Variants in HEG1 observed in about 807,000 individuals in gnomAD.
HEG1 encodes the protein heart development protein with EGF like domains 1, also known as protein HEG homolog 1.
A neutral mutation model predicts 125.6 loss-of-function variants in HEG1; 56 were observed. The ratio of observed to expected loss-of-function variants is 0.45; its 90% CI spans 0.36 to 0.56. HEG1 has a LOEUF of 0.56. Ranked by LOEUF, HEG1 falls within the 20% of genes least tolerant of loss-of-function variation. HEG1 has a pLI of 0.00. For missense variants in HEG1, 1,523 were observed against 1,670.0 expected, an observed-to-expected ratio of 0.91 and a Z score of 1.53; for synonymous variants, 644 against 668.5, an observed-to-expected ratio of 0.96 and a Z score of 0.57.
intron 14 of HEG1, among the ~76,000 whole-genome samples, chr3:124,978,437 G>A (rs866586683): frequency 1.9e-4 from 29 of 152,204 alleles, no homozygotes; most frequent in African/African-American, 5.1e-4. Context: ...GTGAGCCACC[G>A]CGCCCGGCCG....
chr3:125,009,901 A>G (rs1937126512), intron 7 of HEG1, 77 bp from the exon 8 acceptor site: 3 of 1,449,676 alleles, frequency 2.1e-6, no homozygotes, highest in Middle Eastern at 1.8e-4. Context: ...GTAAGTACTT[A>G]CTAAGGGCCA....
At chr3:124,993,718 A>G (rs1936869760) in intron 12 of HEG1, among the ~76,000 whole-genome samples, 3 of 152,068 alleles carry the variant, frequency 2.0e-5, no homozygotes, top group Admixed American at 1.3e-4. Context: ...TTTACATCCA[A>G]TCTCCCCACC....
intron 5 of HEG1, among the ~76,000 whole-genome samples, chr3:125,018,543 G>A (rs1215746911): frequency 6.6e-6 from 1 of 152,176 alleles, no homozygotes; most frequent in Non-Finnish European, 1.5e-5. Flanking sequence ...CCTCAATAAA[G>A]CTGGTTTTTA....
At chr3:124,990,878 ATAAG>A in intron 13 of HEG1, 54 bp from the exon 14 acceptor site, 1 of 1,554,250 alleles carries the variant, frequency 6.4e-7, no homozygotes. Flanking sequence ...CTCAAAAGAA[ATAAG>A]TGAGGCAATT....
At chr3:125,014,465 C>G (rs1183254906) in intron 5 of HEG1, among the ~76,000 whole-genome samples, 1 of 152,016 alleles carries the variant, frequency 6.6e-6, no homozygotes, top group Non-Finnish European at 1.5e-5. Flanking sequence ...AGTGGTTGGT[C>G]TCTTATTTTA....
At chr3:125,039,096 C>A (rs1253455158) in intron 1 of HEG1, among the ~76,000 whole-genome samples, 1 of 152,152 alleles carries the variant, frequency 6.6e-6, no homozygotes, top group Non-Finnish European at 1.5e-5. Flanking sequence ...TGTACTTAGC[C>A]CCCTGTGCTG....
chr3:125,019,744 C>A, intron 4 of HEG1, 147 bp from the exon 5 acceptor site: 2 of 584,780 alleles, frequency 3.4e-6, no homozygotes, highest in Non-Finnish European at 5.9e-6. Context: ...CTATCATATT[C>A]TAAATAATTA....
At chr3:125,027,593 T>C (rs1560030571) in intron 2 of HEG1, 86 bp from the exon 3 acceptor site, 1 of 1,033,424 alleles carries the variant, frequency 9.7e-7, no homozygotes, top group Non-Finnish European at 1.4e-6. Flanking sequence ...TTCTGACATC[T>C]ACAAAATATA....
intron 11 of HEG1, among the ~76,000 whole-genome samples, chr3:125,001,160 T>C (rs1458955839): frequency 6.6e-6 from 1 of 152,002 alleles, no homozygotes; most frequent in Non-Finnish European, 1.5e-5. Context: ...CTGGCCTCCA[T>C]TCTTCTGGTT....
At position 125,021,003 on chromosome 3, in the gene HEG1, C is replaced by A. The variant is rs201869333; in HGVS notation, c.1041G>T (p.Thr347=). 2 of 1,613,782 alleles carry A rather than the reference C, an allele frequency of 1.2e-6. No homozygotes were observed. Among genetic ancestry groups the A allele is most frequent in the Non-Finnish European group, 1.7e-6 (2 of 1,179,826 alleles). ...TCTTGCTCACAGGTCCCAGACTGAC[C>A]GTCAAAGATCGCAGCGTTCTCGGGC... ...DGGPRTLRSL[T]VSLGPVSKTE... is the part of the protein sequence containing the mutation. Residue 347 remains threonine, a synonymous_variant, in exon 4 of 17, where the codon ACG becomes ACT. Coordinates refer to ENST00000311127, the MANE Select transcript of HEG1 (RefSeq NM_020733.2).
intron 8 of HEG1, among the ~76,000 whole-genome samples, chr3:125,007,128 G>A (rs1425751055): frequency 6.7e-6 from 1 of 149,600 alleles, no homozygotes; most frequent in African/African-American, 2.5e-5. Flanking sequence ...GAACCCGGGA[G>A]GCGGAGCTTG....
intron 14 of HEG1, among the ~76,000 whole-genome samples, chr3:124,989,889 C>T (rs771053942): frequency 1.4e-4 from 21 of 152,210 alleles, no homozygotes; most frequent in Admixed American, 3.3e-4. Flanking sequence ...CACTCCTCAG[C>T]CTGGTGATCC....
intron 14 of HEG1, among the ~76,000 whole-genome samples, chr3:124,985,533 A>AG (rs1233772104): frequency 6.6e-6 from 1 of 152,162 alleles, no homozygotes; most frequent in Non-Finnish European, 1.5e-5. Context: ...GGTGGAGGCA[A>AG]GGGGAGTGAG....
chr3:124,980,521 A>T (rs1560015489), intron 14 of HEG1, among the ~76,000 whole-genome samples: 2 of 149,850 alleles, frequency 1.3e-5, no homozygotes, highest in African/African-American at 4.9e-5. Context: ...CAGTTTTTTT[A>T]TTTTTTTTTT....
chr3:124,979,687 A>G lies in HEG1; in HGVS notation c.3734-1741T>C, dbSNP rs192871927. On this transcript the variant is annotated intron_variant, in intron 14 of 16. Coordinates refer to ENST00000311127, the MANE Select transcript of HEG1 (RefSeq NM_020733.2). Reference sequence around the variant, plus strand: ...TAAGATTGGAGCCTGTAATCCCAGCACTTTGGGAGGCCGAGGCAGGCAGAT... The same window carrying G: ...TAAGATTGGAGCCTGTAATCCCAGCGCTTTGGGAGGCCGAGGCAGGCAGAT... 2.6e-5 allele frequency among the ~76,000 whole-genome samples: 4 copies of G among 152,276 alleles called. No individual in the cohort carries two copies. The East Asian group carries it at 7.7e-4, about 29-fold the overall frequency.
chr3:125,017,893 G>A (rs1937275228), intron 5 of HEG1, among the ~76,000 whole-genome samples: 1 of 151,946 alleles, frequency 6.6e-6, no homozygotes, highest in East Asian at 1.9e-4. Flanking sequence ...GCCAGGCGTG[G>A]TGGTGGGCAC....
intron 1 of HEG1, among the ~76,000 whole-genome samples, chr3:125,051,868 G>C (rs1053132613): frequency 1.3e-5 from 2 of 152,208 alleles, no homozygotes; most frequent in African/African-American, 2.4e-5. Context: ...TTTTCAGCCA[G>C]CTGGGCGGGG....
intron 14 of HEG1, among the ~76,000 whole-genome samples, chr3:124,987,924 TACACACACACACAC>T (rs67009322): frequency 1.5e-5 from 1 of 67,652 alleles, no homozygotes; most frequent in Non-Finnish European, 3.1e-5. Context: ...TATATATGTG[TACACACACACACAC>T]ACACACACAC....
intron 15 of HEG1, among the ~76,000 whole-genome samples, chr3:124,977,337 C>A (rs1284682451): frequency 6.6e-6 from 1 of 152,170 alleles, no homozygotes; most frequent in Non-Finnish European, 1.5e-5. Flanking sequence ...TACAGCAATA[C>A]AAAATGGACT....
Sources: gnomAD v4.1 joint callset for allele counts (sites outside exome capture counted in the v4.1 genomes callset) on GRCh38, gnomAD v4.1.1 for gene constraint, MANE v1.5 for transcripts, NCBI Gene and HGNC (gene_info 2026-07-23, HGNC 2026-07-21) for gene names.